Variants in CR1 observed in about 807,000 individuals in gnomAD.
CR1 encodes the protein complement receptor type 1.
CR1 carries 116 observed loss-of-function variants against 187.3 expected under a neutral mutation model. The observed-to-expected ratio is 0.62, with a 90% CI of 0.53 to 0.72. CR1 has a LOEUF of 0.72. Among genes scored for constraint, CR1 ranks in the 30% least tolerant of loss-of-function variants. CR1 has a pLI of 0.00. For synonymous variants in CR1, 576 were observed against 747.1 expected (o/e 0.77, Z 3.73); for missense variants, 1,731 against 2,110.7 (o/e 0.82, Z 3.52).
chr1:207,635,190 C>T (rs1194450501), intron 46 of CR1, among the ~76,000 whole-genome samples: 1 of 152,054 alleles, frequency 6.6e-6, no homozygotes, highest in Admixed American at 6.5e-5. Context: ...GAAAGAGACA[C>T]AGAGACAAAG....
chr1:207,628,187 T>G (rs1324496934), intron 45 of CR1, among the ~76,000 whole-genome samples: 9 of 152,160 alleles, frequency 5.9e-5, no homozygotes, highest in African/African-American at 2.2e-4. Context: ...CTAATTACTC[T>G]GCCCATTTCC....
intron 35 of CR1, chr1:207,606,421 C>T (rs1474839777): frequency 1.3e-5 from 2 of 152,196 alleles, no homozygotes; most frequent in African/African-American, 4.8e-5. Context: ...GGGATGGCAC[C>T]AGTAGTCTTT....
chr1:207,496,237 C>A lies in CR1; in HGVS notation c.-31C>A. The A allele has an allele frequency of 6.2e-7, 1 of 1,613,590 alleles. No homozygotes were observed. The highest frequency in any genetic ancestry group is 1.1e-5 in the South Asian group (1 of 91,018). On this transcript the variant is annotated 5_prime_UTR_variant, in exon 1 of 47. Transcript: ENST00000367049. Reference sequence around the variant, plus strand: ...CTCTTATTTCAGTTTTCTTCGAGATCAAATCTGGTTTGTAGATGTGCTTGG... The same window carrying A: ...CTCTTATTTCAGTTTTCTTCGAGATAAAATCTGGTTTGTAGATGTGCTTGG...
intron 42 of CR1, among the ~76,000 whole-genome samples, chr1:207,618,490 A>T (rs1322355658): frequency 2.6e-5 from 4 of 152,106 alleles, no homozygotes; most frequent in Non-Finnish European, 5.9e-5. Context: ...AGATTCTCAA[A>T]CTCCATTCCA....
At chr1:207,622,868 G>A (rs1422908642) in intron 44 of CR1, 125 bp from the exon 45 acceptor site, 1 of 659,970 alleles carries the variant, frequency 1.5e-6, no homozygotes, top group Non-Finnish European at 2.6e-6. Context: ...AAAGCAGAAT[G>A]TATAGTTACA....
intron 23 of CR1, among the ~76,000 whole-genome samples, 182 bp from the exon 24 acceptor site, chr1:207,565,656 G>A (rs1303780214): frequency 1.3e-5 from 2 of 150,048 alleles, no homozygotes; most frequent in African/African-American, 5.1e-5. Context: ...ACTACATTTT[G>A]CCATTCTATA....
chr1:207,506,879 C>G, intron 3 of CR1, 66 bp downstream of exon 3: 1 of 1,294,490 alleles, frequency 7.7e-7, no homozygotes, highest in Non-Finnish European at 1.1e-6. Context: ...TTACTACCTT[C>G]TAGTCACATG....
chr1:207,496,249 G>T lies in CR1; in HGVS notation c.-19G>T. Reference sequence around the variant, plus strand: ...TTTTCTTCGAGATCAAATCTGGTTTGTAGATGTGCTTGGGGAGAATGGGGG... The same window carrying T: ...TTTTCTTCGAGATCAAATCTGGTTTTTAGATGTGCTTGGGGAGAATGGGGG... On this transcript the variant is annotated 5_prime_UTR_variant, in exon 1 of 47. Transcript: ENST00000367049. 6.2e-7 allele frequency: 1 copy of T among 1,613,818 alleles called. No homozygotes were observed. Among genetic ancestry groups the T allele is most frequent in the Non-Finnish European group, 8.5e-7 (1 of 1,179,830 alleles).
At position 207,630,635 on chromosome 1, in the gene CR1, T is replaced by A. The variant is rs139636431; in HGVS notation, c.7457+14T>A. 3.1e-3 allele frequency: 4,695 copies of A among 1,519,466 alleles called. 13 individuals carry two copies. The highest frequency in any genetic ancestry group is 3.7e-3 in the Non-Finnish European group (4,217 of 1,125,410). 94.1% of individuals were successfully genotyped at this position (1,519,466 alleles called of 1,614,324 possible). A position where few individuals can be genotyped will look rare whatever the true frequency, so the allele number is the denominator to read the frequency against. ...AGAAAATAGCAGGTACCTATATACA[T>A]ACTGAATTCAAAATGTTTTCAACAA... On this transcript the variant is annotated intron_variant, in intron 46 of 46. Coordinates refer to ENST00000367049, the MANE Select transcript of CR1 (RefSeq NM_000651.6).
rs1349644528 is a variant in CR1, at chr1:207,640,558, G to A, written c.*1149G>A. Reference sequence around the variant, plus strand: ...TAAAAGTACTAGCTTACTTTTGTATGGATTCAGAATATACTAAATTAACTT... The same window carrying A: ...TAAAAGTACTAGCTTACTTTTGTATAGATTCAGAATATACTAAATTAACTT... On this transcript the variant is annotated 3_prime_UTR_variant, in exon 47 of 47. Transcript: ENST00000367049. 6.6e-6 allele frequency: 1 copy of A among 152,164 alleles called. No individual in the cohort carries two copies. Among genetic ancestry groups the A allele is most frequent in the Non-Finnish European group, 1.5e-5 (1 of 68,026 alleles). 9.4% of individuals were successfully genotyped at this position (152,164 alleles called of 1,614,324 possible).
At chr1:207,524,593 G>T (rs540206824) in intron 5 of CR1, among the ~76,000 whole-genome samples, 2 of 152,030 alleles carry the variant, frequency 1.3e-5, no homozygotes, top group African/African-American at 4.8e-5. Flanking sequence ...TCACCATGTT[G>T]CCCAGGCTGG....
chr1:207,503,078 C>T (rs2102332916), intron 1 of CR1, among the ~76,000 whole-genome samples: 1 of 152,296 alleles, frequency 6.6e-6, no homozygotes, highest in Admixed American at 6.5e-5. Flanking sequence ...CTTAGAAGTC[C>T]CCTTACCCTT....
In CR1 at chr1:207,631,134, T is replaced by A. The variant is rs148416380; in HGVS notation, c.7457+513T>A. On this transcript the variant is annotated intron_variant, in intron 46 of 46. Coordinates refer to ENST00000367049, the MANE Select transcript of CR1 (RefSeq NM_000651.6). Reference sequence around the variant, plus strand: ...CCTTGGGCTTATTAAATACCTAACCTTTCATTCTACCTATTCAAAGCAGGC... The same window carrying A: ...CCTTGGGCTTATTAAATACCTAACCATTCATTCTACCTATTCAAAGCAGGC... Among the ~76,000 whole-genome samples, 613 of 152,348 alleles carry A rather than the reference T, an allele frequency of 4.0e-3. 5 individuals are homozygous for A. Among genetic ancestry groups the A allele is most frequent in the African/African-American group, 0.014 (586 of 41,586 alleles).
chr1:207,587,315 T>C lies in CR1; in HGVS notation c.5531-71T>C, dbSNP rs553464890. On this transcript the variant is annotated intron_variant, in intron 33 of 46. Transcript: ENST00000367049. Reference sequence around the variant, plus strand: ...TTCTGTGATCCACCTATCAGCTTAATTGAAGAGAAAGAGGAGGTAGGGTGG... The same window carrying C: ...TTCTGTGATCCACCTATCAGCTTAACTGAAGAGAAAGAGGAGGTAGGGTGG... The C allele has an allele frequency of 4.5e-6, 6 of 1,335,884 alleles. No homozygotes were observed. In the East Asian group the frequency reaches 1.4e-4, roughly 31 times the overall value. The allele number at this position is 1,335,884 out of a possible 1,614,324, so 82.8% of individuals were successfully genotyped here. A position where few individuals can be genotyped will look rare whatever the true frequency, so the allele number is the denominator to read the frequency against.
intron 36 of CR1, among the ~76,000 whole-genome samples, chr1:207,608,566 A>G (rs1019076738): frequency 2.0e-5 from 3 of 152,208 alleles, no homozygotes; most frequent in African/African-American, 2.4e-5. Context: ...ATGAGAATGT[A>G]TACAAGGTGC....
At chr1:207,575,034 T>G (rs895663814) in intron 27 of CR1, among the ~76,000 whole-genome samples, 8 of 152,150 alleles carry the variant, frequency 5.3e-5, no homozygotes, top group Admixed American at 2.6e-4. Context: ...ATGAAATCAA[T>G]GAAAAAGGCA....
At chr1:207,636,800 G>A (rs910885985) in intron 46 of CR1, among the ~76,000 whole-genome samples, 3 of 152,168 alleles carry the variant, frequency 2.0e-5, no homozygotes, top group African/African-American at 7.2e-5. Context: ...GCCTCCCACG[G>A]TTGGTCCATG....
chr1:207,501,866 G>C (rs561552544), intron 1 of CR1, among the ~76,000 whole-genome samples: 2 of 151,356 alleles, frequency 1.3e-5, no homozygotes, highest in Non-Finnish European at 2.9e-5. Flanking sequence ...ATATCAACTA[G>C]AGGAAAGGTG....
At chr1:207,511,234 A>G (rs1659605603) in intron 3 of CR1, among the ~76,000 whole-genome samples, 1 of 152,348 alleles carries the variant, frequency 6.6e-6, no homozygotes, top group East Asian at 1.9e-4. Flanking sequence ...ACACATATAC[A>G]TGTATATATA....
Sources: allele counts gnomAD v4.1 joint callset (sites outside exome capture counted in the v4.1 genomes callset), GRCh38; gene constraint gnomAD v4.1.1; transcripts MANE v1.5; gene names NCBI Gene and HGNC (gene_info 2026-07-23, HGNC 2026-07-21).